Variants in PLXNA4 observed in about 807,000 individuals in gnomAD.
The protein encoded by PLXNA4 is plexin A4.
PLXNA4 carries 44 observed loss-of-function variants against 191.8 expected under a neutral mutation model. That is an observed-to-expected ratio of 0.23 (90% CI 0.18 to 0.29). The LOEUF is 0.29. Among genes scored for constraint, PLXNA4 ranks in the 10% least tolerant of loss-of-function variants. The probability of loss-of-function intolerance (pLI) is 1.00; values close to 1 mark genes in which losing one functional copy is unlikely to be tolerated. For missense variants in PLXNA4, 1,800 were observed against 2,488.8 expected (o/e 0.72, Z 5.89); for synonymous variants, 1,082 against 1,009.5 (o/e 1.07, Z -1.36).
At chr7:132,141,571 C>T (rs539053357) in intron 29 of PLXNA4, among the ~76,000 whole-genome samples, 1 of 152,178 alleles carries the variant, frequency 6.6e-6, no homozygotes, top group East Asian at 1.9e-4. Flanking sequence ...CAACTACATG[C>T]CGGGAGGACT....
chr7:132,187,091 G>A (rs914684085), intron 15 of PLXNA4, among the ~76,000 whole-genome samples: 1 of 151,744 alleles, frequency 6.6e-6, no homozygotes, highest in African/African-American at 2.4e-5. Flanking sequence ...TCCCACCCAG[G>A]AACTGAAGAC....
At chr7:132,614,779 T>C (rs1803118742) in intron 2 of PLXNA4, among the ~76,000 whole-genome samples, 1 of 152,292 alleles carries the variant, frequency 6.6e-6, no homozygotes, top group Admixed American at 6.5e-5. Flanking sequence ...GAGATGTAAA[T>C]ACTTGGGAAA....
In PLXNA4 at chr7:132,639,674, G is replaced by A. The variant is rs141583185; in HGVS notation, c.-87+6254C>T. Among the ~76,000 whole-genome samples, 797 of 152,242 alleles carry A rather than the reference G, an allele frequency of 5.2e-3. 9 individuals are homozygous for A. Among genetic ancestry groups the A allele is most frequent in the African/African-American group, 0.019 (772 of 41,528 alleles). ...GTGGAACTGAAGGGGCCATTCAGGGGGTCTTGCAGAACAAAGGATTAATCT... is the reference window on the plus strand; with the variant it reads ...GTGGAACTGAAGGGGCCATTCAGGGAGTCTTGCAGAACAAAGGATTAATCT... On this transcript the variant is annotated intron_variant, in intron 2 of 4. Transcript: ENST00000378539.
intron 9 of PLXNA4, among the ~76,000 whole-genome samples, chr7:132,213,847 T>A (rs1333950272): frequency 6.6e-6 from 1 of 151,916 alleles, no homozygotes; most frequent in Non-Finnish European, 1.5e-5. Context: ...GCACTGGGAG[T>A]GAGAGCCAGG....
intron 14 of PLXNA4, among the ~76,000 whole-genome samples, chr7:132,188,166 A>C (rs989670534): frequency 4.6e-5 from 7 of 152,148 alleles, no homozygotes; most frequent in Admixed American, 6.5e-5. Flanking sequence ...AGCAATGGGA[A>C]GTGAGAGCCC....
intron 1 of PLXNA4, among the ~76,000 whole-genome samples, chr7:132,648,137 G>A (rs745633039): frequency 7.2e-5 from 11 of 151,776 alleles, no homozygotes; most frequent in Middle Eastern, 3.4e-3. Flanking sequence ...ATACACTCAC[G>A]TACACACACA....
chr7:132,228,969 C>T (rs1316401706), intron 5 of PLXNA4, among the ~76,000 whole-genome samples: 1 of 152,166 alleles, frequency 6.6e-6, no homozygotes, highest in Non-Finnish European at 1.5e-5. Flanking sequence ...TCCTGCCCAC[C>T]CTAGGCAAAG....
At chr7:132,610,893 T>C (rs1203652175) in intron 2 of PLXNA4, among the ~76,000 whole-genome samples, 1 of 152,186 alleles carries the variant, frequency 6.6e-6, no homozygotes, top group Non-Finnish European at 1.5e-5. Flanking sequence ...ACTTGTAATG[T>C]GGATGAGCAG....
intron 10 of PLXNA4, among the ~76,000 whole-genome samples, chr7:132,207,635 C>A (rs1797670216): frequency 6.6e-6 from 1 of 152,248 alleles, no homozygotes; most frequent in South Asian, 2.1e-4. Flanking sequence ...AACCCAGTGT[C>A]ACTCCCACAC....
At chr7:132,587,738 AG>A (rs1297348051) in intron 2 of PLXNA4, among the ~76,000 whole-genome samples, 1 of 151,972 alleles carries the variant, frequency 6.6e-6, no homozygotes, top group African/African-American at 2.4e-5. Context: ...CGAAGGGAAG[AG>A]GCAGGTACAG....
At chr7:132,401,314 G>T (rs114847840) in intron 3 of PLXNA4, among the ~76,000 whole-genome samples, 3 of 152,222 alleles carry the variant, frequency 2.0e-5, no homozygotes, top group African/African-American at 7.2e-5. Context: ...TATCTCAAAA[G>T]GCAAAGTTAA....
At chr7:132,289,660 G>A (rs902452642) in intron 4 of PLXNA4, among the ~76,000 whole-genome samples, 4 of 151,924 alleles carry the variant, frequency 2.6e-5, no homozygotes, top group Non-Finnish European at 1.5e-5. Flanking sequence ...AGCCTCCTGA[G>A]TAGCTGGGAC....
intron 1 of PLXNA4, among the ~76,000 whole-genome samples, chr7:132,547,485 T>G (rs1471203903): frequency 6.6e-6 from 1 of 152,176 alleles, no homozygotes; most frequent in Non-Finnish European, 1.5e-5. Flanking sequence ...TGCACCCATT[T>G]CTTCGCTAGG....
At chr7:132,260,584 G>A (rs1428663535) in intron 4 of PLXNA4, among the ~76,000 whole-genome samples, 1 of 151,974 alleles carries the variant, frequency 6.6e-6, no homozygotes, top group Non-Finnish European at 1.5e-5. Context: ...CTACCTGGGT[G>A]GTGGGATCAT....
At chr7:132,223,750 C>T in intron 8 of PLXNA4, 109 bp from the exon 9 acceptor site, 1 of 802,330 alleles carries the variant, frequency 1.2e-6, no homozygotes, top group Non-Finnish European at 2.1e-6. Context: ...AGAGAAACCA[C>T]CGTTGAATGT....
chr7:132,138,505 C>G (rs1420081838), intron 30 of PLXNA4, among the ~76,000 whole-genome samples: 1 of 152,164 alleles, frequency 6.6e-6, no homozygotes, highest in East Asian at 1.9e-4. Flanking sequence ...GTGGACTTGT[C>G]CCTCCATCAC....
chr7:132,582,723 T>C (rs747247314), intron 2 of PLXNA4, among the ~76,000 whole-genome samples: 6 of 152,166 alleles, frequency 3.9e-5, no homozygotes, highest in South Asian at 2.1e-4. Context: ...GGAGCAGAGA[T>C]AAGATATGGT....
chr7:132,320,056 T>C (rs1247219782), intron 3 of PLXNA4, among the ~76,000 whole-genome samples: 5 of 152,204 alleles, frequency 3.3e-5, no homozygotes, highest in African/African-American at 9.7e-5. Flanking sequence ...GGCATCTCCC[T>C]TGAAAGTCAG....
chr7:132,212,905 G>T (rs951265436), intron 9 of PLXNA4, among the ~76,000 whole-genome samples: 2 of 152,176 alleles, frequency 1.3e-5, no homozygotes, highest in Admixed American at 6.5e-5. Flanking sequence ...CCACTCCTGG[G>T]TTTACGTGCC....
Sources: gnomAD v4.1 joint callset for allele counts (sites outside exome capture counted in the v4.1 genomes callset) on GRCh38, gnomAD v4.1.1 for gene constraint, MANE v1.5 for transcripts, NCBI Gene and HGNC (gene_info 2026-07-23, HGNC 2026-07-21) for gene names.